The following CCDC102B variants were observed in gnomAD, a reference collection of about 807,000 sequenced individuals.
CCDC102B encodes the protein coiled-coil domain-containing protein 102B.
A neutral mutation model predicts 57.4 loss-of-function variants in CCDC102B; 75 were observed. The observed-to-expected ratio is 1.31, with a 90% CI of 1.08 to 1.58. The LOEUF is 1.58. Among genes scored for constraint, CCDC102B ranks in the 40% most tolerant of loss-of-function variants. CCDC102B has a pLI of 0.00. For missense variants in CCDC102B, 636 were observed against 582.6 expected (o/e 1.09, Z -0.94); for synonymous variants, 206 against 201.9 (o/e 1.02, Z -0.17).
At chr18:68,732,175 G>A (rs2032900532) in intron 2 of CCDC102B, among the ~76,000 whole-genome samples, 1 of 151,398 alleles carries the variant, frequency 6.6e-6, no homozygotes, top group Admixed American at 6.6e-5. Context: ...TCTTTCCTGT[G>A]GGCCAGTTTT....
intron 7 of CCDC102B, among the ~76,000 whole-genome samples, chr18:69,027,550 T>C (rs933635465): frequency 1.3e-5 from 2 of 152,210 alleles, no homozygotes; most frequent in African/African-American, 4.8e-5. Context: ...AATCATTTAG[T>C]GTATTAACAT....
At chr18:68,847,879 A>G (rs1321374525) in intron 4 of CCDC102B, among the ~76,000 whole-genome samples, 2 of 151,822 alleles carry the variant, frequency 1.3e-5, no homozygotes, top group Non-Finnish European at 2.9e-5. Flanking sequence ...ATTTATAAAT[A>G]TAAAGATGAA....
chr18:69,038,566 G>T (rs1006073868), intron 7 of CCDC102B, among the ~76,000 whole-genome samples: 2 of 151,718 alleles, frequency 1.3e-5, no homozygotes, highest in Admixed American at 1.3e-4. Context: ...CAAACATAAA[G>T]ATAAAAATGT....
At chr18:69,020,374 A>C (rs1287296716) in intron 7 of CCDC102B, among the ~76,000 whole-genome samples, 1 of 152,162 alleles carries the variant, frequency 6.6e-6, no homozygotes, top group Non-Finnish European at 1.5e-5. Context: ...AGCTAGGCGC[A>C]CTGTATGGTT....
intron 2 of CCDC102B, among the ~76,000 whole-genome samples, chr18:68,775,408 G>A (rs528897397): frequency 3.6e-4 from 54 of 152,046 alleles, no homozygotes; most frequent in African/African-American, 1.3e-3. Flanking sequence ...TATACATTGT[G>A]TTTGCTTGAT....
chr18:68,937,672 C>T (rs2049277333), intron 6 of CCDC102B, among the ~76,000 whole-genome samples: 1 of 152,018 alleles, frequency 6.6e-6, no homozygotes, highest in Non-Finnish European at 1.5e-5. Flanking sequence ...CATAGGTATA[C>T]ATGTGCCATG....
chr18:68,927,428 C>A (rs764226482), intron 6 of CCDC102B, among the ~76,000 whole-genome samples: 42 of 151,934 alleles, frequency 2.8e-4, no homozygotes, highest in Middle Eastern at 3.4e-3. Context: ...GTTTCTGTCC[C>A]GTAGAGTGTA....
intron 4 of CCDC102B, among the ~76,000 whole-genome samples, chr18:68,870,199 G>C (rs2039182547): frequency 6.6e-6 from 1 of 152,064 alleles, no homozygotes; most frequent in Non-Finnish European, 1.5e-5. Context: ...CTGTCAGGGG[G>C]TGGGTGGGGG....
At chr18:68,739,027 T>C (rs926018205) in intron 2 of CCDC102B, among the ~76,000 whole-genome samples, 1 of 147,398 alleles carries the variant, frequency 6.8e-6, no homozygotes, top group Middle Eastern at 3.5e-3. Context: ...CAGGTCTTGC[T>C]GTCACCCAGG....
intron 7 of CCDC102B, among the ~76,000 whole-genome samples, chr18:69,021,906 C>G (rs933626959): frequency 1.4e-4 from 21 of 152,034 alleles, no homozygotes; most frequent in African/African-American, 4.8e-4. Flanking sequence ...ATGATTTATA[C>G]GTTATTGCTT....
intron 6 of CCDC102B, among the ~76,000 whole-genome samples, chr18:68,911,483 T>A (rs1019911382): frequency 6.6e-6 from 1 of 150,668 alleles, no homozygotes; most frequent in African/African-American, 2.5e-5. Context: ...CCGGGCGCGG[T>A]GGCTCACGCC....
intron 3 of CCDC102B, among the ~76,000 whole-genome samples, chr18:68,839,265 T>C (rs1408273214): frequency 6.6e-6 from 1 of 152,192 alleles, no homozygotes; most frequent in African/African-American, 2.4e-5. Context: ...ACTTGGTCAG[T>C]AAAAATGAAT....
At chr18:68,908,675 A>G (rs2040730068) in intron 6 of CCDC102B, 1 of 152,222 alleles carries the variant, frequency 6.6e-6, no homozygotes, top group Non-Finnish European at 1.5e-5. Context: ...TCAGTGTTAG[A>G]GTAATCACAA....
At chr18:69,036,407 G>T (rs72959986) in intron 7 of CCDC102B, among the ~76,000 whole-genome samples, 3 of 152,084 alleles carry the variant, frequency 2.0e-5, no homozygotes, top group South Asian at 2.1e-4. Context: ...TTAGCAAGAC[G>T]ACCTGGGGCC....
Position 68,765,324 on chromosome 18 carries a change from G to GAAAGAAAA in CCDC102B, c.-67+48730_-67+48731insAAAGAAAA, listed in dbSNP as rs2034407001. Among the ~76,000 whole-genome samples the GAAAGAAAA allele has an allele frequency of 1.8e-3, 108 of 60,392 alleles. 1 individual carries two copies. Among genetic ancestry groups the GAAAGAAAA allele is most frequent in the African/African-American group, 6.1e-3 (103 of 16,882 alleles). 39.6% of individuals were successfully genotyped at this position (60,392 alleles called of 152,430 possible). A position where few individuals can be genotyped will look rare whatever the true frequency, so the allele number is the denominator to read the frequency against. ...AGGAAGGAAGGAAGGAAGGAAGGAA[G>GAAAGAAAA]GAAAGAAAGAAAGAAAGAAAGAAAG... On this transcript the variant is annotated intron_variant, in intron 2 of 3. Transcript: ENST00000578970.
At chr18:68,923,916 C>T (rs1209477724) in intron 6 of CCDC102B, among the ~76,000 whole-genome samples, 1 of 151,982 alleles carries the variant, frequency 6.6e-6, no homozygotes, top group African/African-American at 2.4e-5. Context: ...GGATCTGTGG[C>T]CATCATCAGC....
chr18:68,779,120 C>A (rs952120070), intron 2 of CCDC102B, among the ~76,000 whole-genome samples: 1 of 152,000 alleles, frequency 6.6e-6, no homozygotes, highest in Admixed American at 6.6e-5. Context: ...AAATACCTTG[C>A]CCTCATCTCC....
In CCDC102B at chr18:68,917,088, C is replaced by A. The variant is rs149444103; in HGVS notation, c.1263+19660C>A. Among the ~76,000 whole-genome samples the A allele has an allele frequency of 2.6e-5, 4 of 152,324 alleles. No homozygotes were observed. The East Asian group carries it at 7.7e-4, about 29-fold the overall frequency. ...TCCAGGTGGAGAAGTGTGTTTCAAC[C>A]TCCCATTGTTCATAGCTTTGTGCTC... On this transcript the variant is annotated intron_variant, in intron 6 of 7. Coordinates refer to ENST00000360242, the MANE Select transcript of CCDC102B (RefSeq NM_024781.3).
chr18:68,895,938 T>A (rs1317585361), intron 5 of CCDC102B, among the ~76,000 whole-genome samples: 2 of 151,946 alleles, frequency 1.3e-5, no homozygotes, highest in Non-Finnish European at 2.9e-5. Flanking sequence ...AACATACATT[T>A]AAAAAATTTA....
Sources: gnomAD v4.1 joint callset for allele counts (sites outside exome capture counted in the v4.1 genomes callset) on GRCh38, gnomAD v4.1.1 for gene constraint, MANE v1.5 for transcripts, NCBI Gene and HGNC (gene_info 2026-07-23, HGNC 2026-07-21) for gene names.